TBC1D2B: variants seen among roughly 807,000 people sequenced by gnomAD.
TBC1D2B encodes TBC1 domain family, member 2B.
A neutral mutation model predicts 100.8 loss-of-function variants in TBC1D2B; 64 were observed. That is an observed-to-expected ratio of 0.64 (90% confidence interval 0.52 to 0.78). The LOEUF (loss-of-function observed/expected upper bound fraction) is 0.78, where lower values mean the gene tolerates loss of function less well. TBC1D2B is among the 30% of genes least tolerant of loss of function. The pLI, the probability that TBC1D2B is intolerant of heterozygous loss-of-function variation, is 0.00. For synonymous variants in TBC1D2B, 480 were observed against 479.7 expected, an observed-to-expected ratio of 1.00 and a Z score of -0.01; for missense variants, 1,052 against 1,218.4, an observed-to-expected ratio of 0.86 and a Z score of 2.03.
At chr15:78,069,429 T>C (rs2073711522) in intron 1 of TBC1D2B, among the ~76,000 whole-genome samples, 1 of 152,248 alleles carries the variant, frequency 6.6e-6, no homozygotes. Flanking sequence ...ATTTATCTAC[T>C]TTTAAATCTG....
chr15:78,056,686 C>CTTTT lies in TBC1D2B; in HGVS notation c.361-2503_361-2500dup, dbSNP rs368714497. 1.4e-3 allele frequency among the ~76,000 whole-genome samples: 154 copies of CTTTT among 112,900 alleles called. 2 individuals are homozygous for CTTTT. Among genetic ancestry groups the CTTTT allele is most frequent in the African/African-American group, 2.6e-3 (66 of 25,290 alleles). 74.1% of individuals were successfully genotyped at this position (112,900 alleles called of 152,430 possible). Reference sequence around the variant, plus strand: ...AGCCCAAAGCCCACCCAGTCCTCCTCTTTTTTTTTTTTTTTTTTTTTTTTT... The same window carrying CTTTT: ...AGCCCAAAGCCCACCCAGTCCTCCTCTTTTTTTTTTTTTTTTTTTTTTTTTTTTT... On this transcript the variant is annotated intron_variant, in intron 1 of 12. Transcript: ENST00000300584.
At chr15:78,016,776 A>G in intron 7 of TBC1D2B, 37 bp from the exon 8 acceptor site, 1 of 1,456,298 alleles carries the variant, frequency 6.9e-7, no homozygotes, top group Non-Finnish European at 9.1e-7. Context: ...ATTCAGACAG[A>G]GACACAGGAA....
chr15:78,045,140 C>T, intron 2 of TBC1D2B, 72 bp from the exon 3 acceptor site: 10 of 1,372,314 alleles, frequency 7.3e-6, no homozygotes, highest in Non-Finnish European at 1.0e-5. Flanking sequence ...ACATAAAACA[C>T]TGACTTGACA....
intron 8 of TBC1D2B, 27 bp from the exon 9 acceptor site, chr15:78,013,344 T>C: frequency 1.3e-6 from 2 of 1,539,522 alleles, no homozygotes; most frequent in Non-Finnish European, 1.8e-6. Context: ...AAGGAAAAAT[T>C]AAAATGACAA....
intron 3 of TBC1D2B, among the ~76,000 whole-genome samples, chr15:78,032,731 T>G (rs1331126236): frequency 6.6e-6 from 1 of 151,292 alleles, no homozygotes; most frequent in East Asian, 1.9e-4. Flanking sequence ...ATGAAAAACA[T>G]GCTAAATGGG....
At chr15:78,015,509 T>G (rs1314097040) in intron 8 of TBC1D2B, among the ~76,000 whole-genome samples, 1 of 152,178 alleles carries the variant, frequency 6.6e-6, no homozygotes. Flanking sequence ...ACAGCACGTT[T>G]AGAAGCGCTC....
At chr15:78,033,262 T>A (rs978801266) in intron 3 of TBC1D2B, among the ~76,000 whole-genome samples, 8 of 152,212 alleles carry the variant, frequency 5.3e-5, no homozygotes, top group African/African-American at 1.9e-4. Flanking sequence ...ACCACCTTAC[T>A]TATACGCACA....
chr15:78,070,868 G>A (rs1258583745), intron 1 of TBC1D2B, among the ~76,000 whole-genome samples: 1 of 152,182 alleles, frequency 6.6e-6, no homozygotes, highest in Non-Finnish European at 1.5e-5. Context: ...TGTCGCCCAG[G>A]CTGGAGTGCA....
rs1244156385 is a variant in TBC1D2B at position 78,077,303 on chromosome 15, G to A, written c.350C>T (p.Thr117Met). The A allele has an allele frequency of 3.3e-6, 5 of 1,518,080 alleles. No homozygotes were observed. The African/African-American group carries it at 4.3e-5, about 13-fold the overall frequency. The allele number at this position is 1,518,080 out of a possible 1,614,324, so 94.0% of individuals were successfully genotyped here. ...GGCGAGCGGTCCCACCTTGAGCACC[G>A]TGACGGCTCCCGCGCTGTGCACCTG... ...HFQVHSAGAV[T>M]VLKAPNRQLM... Residue 117 changes from threonine (T) to methionine (M), a missense_variant, in exon 1 of 13, where the codon ACG becomes ATG. Thr to Met is a moderately conservative substitution (Grantham distance 81). Coordinates refer to ENST00000300584, the MANE Select transcript of TBC1D2B (RefSeq NM_144572.2).
At chr15:78,037,607 T>C (rs1190402071) in intron 3 of TBC1D2B, among the ~76,000 whole-genome samples, 3 of 143,068 alleles carry the variant, frequency 2.1e-5, no homozygotes, top group African/African-American at 5.3e-5. Flanking sequence ...CCCCATCCCA[T>C]AGTGGAGGGG....
chr15:78,016,452 A>G (rs1220210851), intron 8 of TBC1D2B, 94 bp downstream of exon 8: 16 of 1,172,612 alleles, frequency 1.4e-5, no homozygotes, highest in Admixed American at 8.9e-5. Flanking sequence ...TGAGACACAC[A>G]GTTGTGTACG....
intron 6 of TBC1D2B, among the ~76,000 whole-genome samples, chr15:78,018,643 G>T (rs1180292104): frequency 6.6e-6 from 1 of 152,184 alleles, no homozygotes; most frequent in Non-Finnish European, 1.5e-5. Flanking sequence ...AAGTTCTGCC[G>T]AGTCCAACTT....
intron 1 of TBC1D2B, among the ~76,000 whole-genome samples, chr15:78,065,522 A>G (rs925373702): frequency 1.3e-5 from 2 of 152,198 alleles, no homozygotes. Context: ...TTTCAGAGAG[A>G]AAGGGAGCAC....
At chr15:78,030,241 G>T in intron 3 of TBC1D2B, 71 bp from the exon 4 acceptor site, 1 of 1,343,086 alleles carries the variant, frequency 7.4e-7, no homozygotes, top group Non-Finnish European at 1.0e-6. Context: ...ATGTATATAG[G>T]ATTGGCAAAA....
At chr15:78,009,897 C>T (rs2072175670) in intron 9 of TBC1D2B, among the ~76,000 whole-genome samples, 1 of 151,340 alleles carries the variant, frequency 6.6e-6, no homozygotes, top group Admixed American at 6.6e-5. Flanking sequence ...ATGGCGTGAA[C>T]CCGGGAGGCA....
chr15:78,028,111 G>A (rs1391422255), intron 4 of TBC1D2B, among the ~76,000 whole-genome samples: 1 of 152,206 alleles, frequency 6.6e-6, no homozygotes, highest in Non-Finnish European at 1.5e-5. Context: ...TCAGGCATAA[G>A]GTGGAATTTC....
intron 1 of TBC1D2B, among the ~76,000 whole-genome samples, chr15:78,075,187 CTTAT>C (rs914743347): frequency 4.6e-5 from 7 of 151,660 alleles, no homozygotes; most frequent in Non-Finnish European, 7.4e-5. Flanking sequence ...TATGTAGATT[CTTAT>C]TTATTATTTT....
At chr15:78,064,770 T>A (rs528919782) in intron 1 of TBC1D2B, among the ~76,000 whole-genome samples, 19 of 151,506 alleles carry the variant, frequency 1.3e-4, no homozygotes, top group South Asian at 4.2e-4. Flanking sequence ...AAAAAATGTA[T>A]TTTTTTCCCC....
At chr15:78,062,672 A>G (rs1257171546) in intron 1 of TBC1D2B, among the ~76,000 whole-genome samples, 1 of 152,170 alleles carries the variant, frequency 6.6e-6, no homozygotes, top group East Asian at 1.9e-4. Context: ...TTTTCTACCA[A>G]TTTTCTAGCC....
Sources: allele counts gnomAD v4.1 joint callset (sites outside exome capture counted in the v4.1 genomes callset), GRCh38; gene constraint gnomAD v4.1.1; transcripts MANE v1.5; gene names NCBI Gene and HGNC (gene_info 2026-07-23, HGNC 2026-07-21).